Variants in HIVEP2 observed in about 807,000 individuals in gnomAD.
The protein encoded by HIVEP2 is HIVEP zinc finger 2.
A neutral mutation model predicts 180.7 loss-of-function variants in HIVEP2; 14 were observed. The ratio of observed to expected loss-of-function variants is 0.08; its 90% CI spans 0.05 to 0.12. The LOEUF is 0.12. Among genes scored for constraint, HIVEP2 ranks in the 10% least tolerant of loss-of-function variants. HIVEP2 has a pLI of 1.00. For missense variants in HIVEP2, 2,579 were observed against 3,008.5 expected (o/e 0.86, Z 3.34); for synonymous variants, 1,184 against 1,136.4 (o/e 1.04, Z -0.84).
chr6:142,757,936 A>G (rs2114602011), intron 9 of HIVEP2, among the ~76,000 whole-genome samples: 1 of 152,308 alleles, frequency 6.6e-6, no homozygotes, highest in East Asian at 1.9e-4. Flanking sequence ...TTGACTGAAC[A>G]TGCACCACTG....
chr6:142,855,722 G>A (rs1016333092), intron 1 of HIVEP2, among the ~76,000 whole-genome samples: 2 of 152,146 alleles, frequency 1.3e-5, no homozygotes, highest in Non-Finnish European at 2.9e-5. Context: ...CAGTGCTTCT[G>A]TTCATATGCT....
rs201545164 is a variant in HIVEP2, at chr6:142,774,335, G to C, written c.404C>G (p.Ser135Cys). The change falls in exon 5 of 10, where the codon TCT becomes TGT. Residue 135 changes from serine (S) to cysteine (C), a missense_variant. Around this residue, in one of 11 missense-constraint regions of HIVEP2, gnomAD observed 207 missense variants for 210.1 expected, o/e 0.99. Coordinates refer to ENST00000367603, the MANE Select transcript of HIVEP2 (RefSeq NM_006734.4). The surrounding 1 kb of genome is among the most constrained non-coding windows in gnomAD (Gnocchi z 5.1). ...LFPGPLPSVA[S>C]EDLFPFPIHG... is the part of the protein sequence containing the mutation. The stretch of plus-strand genomic sequence containing the variant: ...TATAGGAAAAGGAAATAAGTCCTCA[G>C]AGGCAACGGATGGCAAAGGGCCAGG... 7.7e-4 allele frequency: 1,248 copies of C among 1,614,080 alleles called. 1 individual carries two copies. The highest frequency in any genetic ancestry group is 1.0e-3 in the Non-Finnish European group (1,209 of 1,180,048).
chr6:142,928,149 C>T (rs1211992842), intron 1 of HIVEP2, among the ~76,000 whole-genome samples: 1 of 152,100 alleles, frequency 6.6e-6, no homozygotes, highest in East Asian at 1.9e-4. Context: ...CGCAAGACTT[C>T]GATAGTGGAG....
chr6:142,928,349 C>T (rs1489640892), intron 1 of HIVEP2, among the ~76,000 whole-genome samples: 1 of 152,140 alleles, frequency 6.6e-6, no homozygotes, highest in Non-Finnish European at 1.5e-5. Flanking sequence ...AGAAATTAAT[C>T]TTAAGAATTG....
intron 1 of HIVEP2, among the ~76,000 whole-genome samples, chr6:142,859,708 C>T (rs1027877520): frequency 1.3e-5 from 2 of 150,956 alleles, no homozygotes; most frequent in Non-Finnish European, 3.0e-5. Context: ...GTGGTGCACA[C>T]CTGTAATCCT....
intron 1 of HIVEP2, among the ~76,000 whole-genome samples, chr6:142,867,377 T>A (rs1776166788): frequency 6.6e-6 from 1 of 152,174 alleles, no homozygotes; most frequent in Admixed American, 6.6e-5. Flanking sequence ...TCAGTGGTAT[T>A]TATCATCATG....
At chr6:142,830,374 C>T (rs1206865603) in intron 2 of HIVEP2, among the ~76,000 whole-genome samples, 1 of 152,070 alleles carries the variant, frequency 6.6e-6, no homozygotes, top group Non-Finnish European at 1.5e-5. Flanking sequence ...GATCACCCTC[C>T]TCAAAAGAAA....
chr6:142,815,010 G>C (rs1776796742), intron 2 of HIVEP2, among the ~76,000 whole-genome samples: 1 of 152,102 alleles, frequency 6.6e-6, no homozygotes, highest in Non-Finnish European at 1.5e-5. Context: ...TGCTGCAACA[G>C]CCCATGGTGG....
chr6:142,762,366 T>C (rs9496459), intron 7 of HIVEP2, among the ~76,000 whole-genome samples: 27,079 of 151,864 alleles, frequency 0.18, 2,560 homozygotes, highest in Middle Eastern at 0.27. Flanking sequence ...AAATTATATA[T>C]ATAATTTGTA....
chr6:142,880,350 A>G (rs1053377398), intron 1 of HIVEP2, among the ~76,000 whole-genome samples: 2 of 152,118 alleles, frequency 1.3e-5, no homozygotes, highest in African/African-American at 4.8e-5. Flanking sequence ...CACCAAAAAA[A>G]TTGACTCCAA....
intron 1 of HIVEP2, among the ~76,000 whole-genome samples, chr6:142,927,421 G>C (rs554497466): frequency 3.3e-5 from 5 of 152,020 alleles, no homozygotes; most frequent in Admixed American, 6.5e-5. Flanking sequence ...CTTTCCAATT[G>C]TGAATTCCGT....
chr6:142,908,127 A>T (rs1334821801), intron 1 of HIVEP2, among the ~76,000 whole-genome samples: 1 of 152,182 alleles, frequency 6.6e-6, no homozygotes, highest in Non-Finnish European at 1.5e-5. Context: ...TGATTCTCAG[A>T]TCCTAACCTT....
At chr6:142,899,645 T>C (rs189576128) in intron 1 of HIVEP2, among the ~76,000 whole-genome samples, 45 of 152,334 alleles carry the variant, frequency 3.0e-4, no homozygotes, top group Non-Finnish European at 8.8e-5. Context: ...GAGGCAAGAA[T>C]AGATCATTTA....
intron 1 of HIVEP2, among the ~76,000 whole-genome samples, chr6:142,935,277 G>A (rs1407664394): frequency 1.3e-5 from 2 of 152,226 alleles, no homozygotes; most frequent in Non-Finnish European, 2.9e-5. Flanking sequence ...GCTGGGTGCA[G>A]TGGCTCATGC....
At chr6:142,895,699 T>C (rs1196264887) in intron 1 of HIVEP2, among the ~76,000 whole-genome samples, 1 of 152,202 alleles carries the variant, frequency 6.6e-6, no homozygotes, top group Non-Finnish European at 1.5e-5. Flanking sequence ...GCATTTTATG[T>C]GCTAAATTTA....
chr6:142,800,438 T>G (rs904782436), intron 2 of HIVEP2, among the ~76,000 whole-genome samples: 1 of 152,154 alleles, frequency 6.6e-6, no homozygotes, highest in Non-Finnish European at 1.5e-5. Context: ...AAGCTAATCA[T>G]CTTAAGTTTC....
chr6:142,930,079 C>CA (rs1277547869), intron 1 of HIVEP2, among the ~76,000 whole-genome samples: 6 of 151,148 alleles, frequency 4.0e-5, no homozygotes, highest in African/African-American at 1.5e-4. Context: ...TATGTGATGA[C>CA]AAAATCAAGA....
At chr6:142,931,307 G>T (rs1777937973) in intron 1 of HIVEP2, among the ~76,000 whole-genome samples, 1 of 151,488 alleles carries the variant, frequency 6.6e-6, no homozygotes, top group Admixed American at 6.6e-5. Context: ...ATGCTATATA[G>T]ATAGCAGTCT....
At chr6:142,853,635 A>G (rs1291179410) in intron 1 of HIVEP2, among the ~76,000 whole-genome samples, 1 of 152,208 alleles carries the variant, frequency 6.6e-6, no homozygotes, top group Non-Finnish European at 1.5e-5. Context: ...ACACTGAGAA[A>G]TTGAGTCAAT....
Sources: gnomAD v4.1 joint callset for allele counts (sites outside exome capture counted in the v4.1 genomes callset) on GRCh38, gnomAD v4.1.1 for gene constraint, gnomAD v4.1.1 regional missense constraint, Gnocchi (gnomAD v3.1) non-coding constraint, MANE v1.5 for transcripts, NCBI Gene and HGNC (gene_info 2026-07-23, HGNC 2026-07-21) for gene names.